Variants in CALCR observed in about 807,000 individuals in gnomAD.
The protein encoded by CALCR is calcitonin receptor.
A neutral mutation model predicts 59.5 loss-of-function variants in CALCR; 47 were observed. The observed-to-expected ratio is 0.79, with a 90% CI of 0.63 to 1.01. CALCR has a LOEUF of 1.01. CALCR is among the 50% of genes least tolerant of loss of function. CALCR has a pLI of 0.00. For missense variants in CALCR, 566 were observed against 597.1 expected (o/e 0.95, Z 0.54); for synonymous variants, 213 against 211.3 (o/e 1.01, Z -0.07).
chr7:93,564,783 G>A (rs565207432), intron 2 of CALCR, among the ~76,000 whole-genome samples: 33 of 151,552 alleles, frequency 2.2e-4, no homozygotes, highest in African/African-American at 7.0e-4. Flanking sequence ...AAGGTAGCCC[G>A]TGTTTACTTC....
At chr7:93,505,931 G>T (rs1584591824) in intron 2 of CALCR, among the ~76,000 whole-genome samples, 1 of 152,068 alleles carries the variant, frequency 6.6e-6, no homozygotes, top group East Asian at 1.9e-4. Context: ...AAGATTAGGG[G>T]CCCCACATAT....
At chr7:93,474,055 T>G (rs1584564155) in intron 5 of CALCR, among the ~76,000 whole-genome samples, 1 of 151,736 alleles carries the variant, frequency 6.6e-6, no homozygotes, top group East Asian at 1.9e-4. Context: ...AAAATAACAT[T>G]TGATAACTTA....
chr7:93,521,923 T>C (rs1357098832), intron 2 of CALCR, among the ~76,000 whole-genome samples: 1 of 152,196 alleles, frequency 6.6e-6, no homozygotes, highest in Non-Finnish European at 1.5e-5. Flanking sequence ...TACAGTATCA[T>C]TTTGGAGAAA....
chr7:93,433,929 G>C (rs981222831), intron 13 of CALCR, among the ~76,000 whole-genome samples: 1 of 152,196 alleles, frequency 6.6e-6, no homozygotes, highest in African/African-American at 2.4e-5. Flanking sequence ...GTGAGGGCTC[G>C]GGTCTTCCGA....
chr7:93,538,593 T>C (rs2116166981), intron 2 of CALCR, among the ~76,000 whole-genome samples: 1 of 152,170 alleles, frequency 6.6e-6, no homozygotes, highest in East Asian at 1.9e-4. Flanking sequence ...CCTTCTTTCC[T>C]ATATTCTGGT....
intron 8 of CALCR, among the ~76,000 whole-genome samples, chr7:93,450,753 T>C (rs896133788): frequency 2.0e-5 from 3 of 151,986 alleles, no homozygotes; most frequent in African/African-American, 7.2e-5. Context: ...GTAGTTGTTA[T>C]CTGTGAGAGG....
At chr7:93,498,213 T>C (rs1045630426) in intron 2 of CALCR, among the ~76,000 whole-genome samples, 1 of 151,692 alleles carries the variant, frequency 6.6e-6, no homozygotes, top group African/African-American at 2.4e-5. Context: ...GAGTACCACA[T>C]CCTGTGTAAC....
intron 2 of CALCR, among the ~76,000 whole-genome samples, chr7:93,519,555 T>C (rs1401643963): frequency 6.6e-6 from 1 of 152,098 alleles, no homozygotes; most frequent in African/African-American, 2.4e-5. Flanking sequence ...ATTCAATAAA[T>C]ATGTTGAGCA....
At chr7:93,554,452 A>G (rs907651784) in intron 2 of CALCR, among the ~76,000 whole-genome samples, 13 of 152,106 alleles carry the variant, frequency 8.5e-5, no homozygotes, top group Admixed American at 2.6e-4. Context: ...GAAGCTAGAC[A>G]GTACAAGTGA....
intron 13 of CALCR, 121 bp downstream of exon 13, chr7:93,434,132 C>A: frequency 2.7e-6 from 2 of 749,340 alleles, no homozygotes; most frequent in Non-Finnish European, 4.8e-6. Flanking sequence ...TGTTGCTAAT[C>A]ACAAAACCCT....
chr7:93,549,635 G>A (rs961320194), intron 2 of CALCR, among the ~76,000 whole-genome samples: 2 of 152,160 alleles, frequency 1.3e-5, no homozygotes, highest in African/African-American at 2.4e-5. Flanking sequence ...GCAAAAAATT[G>A]AGACTTTGAT....
At chr7:93,477,358 C>A (rs1281724467) in intron 5 of CALCR, among the ~76,000 whole-genome samples, 200 bp downstream of exon 5, 1 of 151,512 alleles carries the variant, frequency 6.6e-6, no homozygotes, top group Non-Finnish European at 1.5e-5. Context: ...ATATAACTGA[C>A]CAGCAACATG....
At chr7:93,517,580 G>C (rs1801676501) in intron 2 of CALCR, among the ~76,000 whole-genome samples, 2 of 151,768 alleles carry the variant, frequency 1.3e-5, no homozygotes. Flanking sequence ...AAAACTAAAA[G>C]CAGGTGAACT....
chr7:93,438,332 G>T, intron 9 of CALCR, 62 bp from the exon 10 acceptor site: 3 of 1,221,466 alleles, frequency 2.5e-6, no homozygotes, highest in Non-Finnish European at 3.6e-6. Flanking sequence ...AAGTACAGCT[G>T]CATGGACAAT....
intron 2 of CALCR, among the ~76,000 whole-genome samples, chr7:93,499,942 T>G (rs1022936008): frequency 6.6e-5 from 10 of 151,928 alleles, no homozygotes; most frequent in African/African-American, 2.4e-4. Flanking sequence ...AAATATCATC[T>G]TGTCCTTATA....
At chr7:93,509,016 T>C (rs567579080) in intron 2 of CALCR, among the ~76,000 whole-genome samples, 1 of 152,254 alleles carries the variant, frequency 6.6e-6, no homozygotes, top group East Asian at 1.9e-4. Context: ...CTCATGTGAT[T>C]TGCTTATAAG....
chr7:93,428,707 A>C (rs1481224909), intron 13 of CALCR, among the ~76,000 whole-genome samples: 3 of 151,686 alleles, frequency 2.0e-5, no homozygotes, highest in African/African-American at 4.8e-5. Context: ...GAATGGCATG[A>C]ACCTGGGAGG....
chr7:93,426,533 A>C lies in CALCR; in HGVS notation c.1248T>G (p.Arg416=). ...WAQFKIQWNQ[R]WGRRPSNRSA... is the part of the protein sequence containing the mutation. ...AGCGGTTGGAGGGGCGCCTCCCCCA[A>C]CGCTGGTTCCACTGAATTTTGAATT... The change falls in exon 14 of 14, where the codon CGT becomes CGG. Residue 416 remains arginine, a synonymous_variant. Coordinates refer to ENST00000426151, the MANE Select transcript of CALCR (RefSeq NM_001742.4). 1 of 1,612,894 alleles carries C rather than the reference A, an allele frequency of 6.2e-7. No individual in the cohort carries two copies. Among genetic ancestry groups the C allele is most frequent in the Non-Finnish European group, 8.5e-7 (1 of 1,179,382 alleles).
chr7:93,547,083 A>G (rs1311560688), intron 2 of CALCR, among the ~76,000 whole-genome samples: 1 of 152,154 alleles, frequency 6.6e-6, no homozygotes, highest in African/African-American at 2.4e-5. Context: ...AGCAAATGCC[A>G]AAAAGCAAGG....
Sources: gnomAD v4.1 joint callset for allele counts (sites outside exome capture counted in the v4.1 genomes callset) on GRCh38, gnomAD v4.1.1 for gene constraint, MANE v1.5 for transcripts, NCBI Gene and HGNC (gene_info 2026-07-23, HGNC 2026-07-21) for gene names.